Variants in TRIM40 observed in about 807,000 individuals in gnomAD.
TRIM40 encodes the protein E3 ubiquitin ligase TRIM40.
TRIM40 carries 27 observed loss-of-function variants against 26.1 expected under a neutral mutation model. That is an observed-to-expected ratio of 1.04 (90% confidence interval 0.76 to 1.43). TRIM40 has a LOEUF of 1.43. Ranked by LOEUF, TRIM40 falls within the 40% of genes most tolerant of loss-of-function variation. The probability of loss-of-function intolerance (pLI) is 0.00; values close to 1 mark genes in which losing one functional copy is unlikely to be tolerated. For missense variants in TRIM40, 289 were observed against 307.9 expected (o/e 0.94, Z 0.46); for synonymous variants, 114 against 120.0 (o/e 0.95, Z 0.33).
At chr6:30,138,662 C>A (rs1362541224) in intron 2 of TRIM40, among the ~76,000 whole-genome samples, 6 of 152,150 alleles carry the variant, frequency 3.9e-5, no homozygotes, top group Non-Finnish European at 7.4e-5. Context: ...ATTTGTATAT[C>A]TTTATTTTGC....
At position 30,147,217 on chromosome 6, in the gene TRIM40, C is replaced by A; in HGVS notation, c.666+8C>A. On this transcript the variant is annotated splice_region_variant and intron_variant, in intron 4 of 5. Transcript: ENST00000396581. ...GACACCAACACACTGAAGGTGCATACCCTGAGGCCTTCCCCAAGGGCTGGG... is the reference window on the plus strand; with the variant it reads ...GACACCAACACACTGAAGGTGCATAACCTGAGGCCTTCCCCAAGGGCTGGG... 6.2e-7 allele frequency: 1 copy of A among 1,613,982 alleles called. No individual in the cohort carries two copies. Among genetic ancestry groups the A allele is most frequent in the Non-Finnish European group, 8.5e-7 (1 of 1,179,866 alleles).
chr6:30,146,850 C>A, intron 3 of TRIM40, 135 bp from the exon 4 acceptor site: 2 of 831,016 alleles, frequency 2.4e-6, no homozygotes, highest in Non-Finnish European at 1.9e-6. Context: ...TTCTGCTATA[C>A]CTGTGACACA....
rs2127426468 is a variant in TRIM40 at position 30,145,758 on chromosome 6, C to T, written c.346-236C>T. ...GTTCTGTTGCTATCTATTATTTTTT[C>T]TGTACTTCTAAGACTGTAAAAAAAT... On this transcript the variant is annotated intron_variant, in intron 2 of 5. Coordinates refer to ENST00000396581, the MANE Select transcript of TRIM40 (RefSeq NM_001286633.2). Among the ~76,000 whole-genome samples, 3 of 152,344 alleles carry T rather than the reference C, an allele frequency of 2.0e-5. No homozygotes were observed. In the South Asian group the frequency reaches 6.2e-4, roughly 32 times the overall value.
chr6:30,139,339 CTTTTTTTTTT>C (rs9278591), intron 2 of TRIM40, among the ~76,000 whole-genome samples: 1 of 77,872 alleles, frequency 1.3e-5, no homozygotes, highest in Non-Finnish European at 2.8e-5. Flanking sequence ...ACTTTTTTTT[CTTTTTTTTTT>C]TTTTTTTTTT....
intron 2 of TRIM40, among the ~76,000 whole-genome samples, chr6:30,139,229 T>C (rs529159381): frequency 6.6e-6 from 1 of 152,296 alleles, no homozygotes; most frequent in African/African-American, 2.4e-5. Flanking sequence ...TGTGAGAAAC[T>C]GCAGCATGTG....
chr6:30,147,382 A>G, intron 4 of TRIM40, 138 bp from the exon 5 acceptor site: 2 of 1,411,326 alleles, frequency 1.4e-6, no homozygotes, highest in Non-Finnish European at 2.0e-6. Flanking sequence ...GAATGGGCAC[A>G]GAAGAGGGGT....
At chr6:30,139,580 A>G (rs1771219676) in intron 2 of TRIM40, among the ~76,000 whole-genome samples, 3 of 151,922 alleles carry the variant, frequency 2.0e-5, no homozygotes. Context: ...TGACCTCATG[A>G]TCCATCTGCG....
chr6:30,147,785 G>A lies in TRIM40; in HGVS notation c.750G>A (p.Leu250=), dbSNP rs773441391. ...YPQLEKGVSE[L]LLQPPQKL ...AGTTGGAGAAAGGAGTCAGTGAATT[G>A]CTTCTTCAGCCCCCTCAGAAGCTCT... is the stretch of plus-strand genomic sequence containing the variant. Residue 250 remains leucine (L), a synonymous_variant, in exon 6 of 6, where the codon TTG becomes TTA. Coordinates refer to ENST00000396581, the MANE Select transcript of TRIM40 (RefSeq NM_001286633.2). The A allele has an allele frequency of 6.2e-7, 1 of 1,614,202 alleles. No individual in the cohort carries two copies. Among genetic ancestry groups the A allele is most frequent in the East Asian group, 2.2e-5 (1 of 44,892 alleles).
intron 5 of TRIM40, 68 bp downstream of exon 5, chr6:30,147,610 G>A (rs1771748427): frequency 1.2e-6 from 2 of 1,613,524 alleles, no homozygotes; most frequent in African/African-American, 1.3e-5. Flanking sequence ...ATGCACAGAG[G>A]TCAAGGAGAC....
intron 2 of TRIM40, among the ~76,000 whole-genome samples, chr6:30,142,443 A>C (rs188217604): frequency 2.6e-5 from 4 of 152,352 alleles, no homozygotes; most frequent in African/African-American, 9.6e-5. Context: ...CAGGGCATAA[A>C]TTCTACATGA....
In TRIM40 at chr6:30,137,270, G is replaced by T; in HGVS notation, c.234G>T (p.Val78=). The change falls in exon 2 of 6, where the codon GTG becomes GTT. Residue 78 remains valine (V), a synonymous_variant. Coordinates refer to ENST00000396581, the MANE Select transcript of TRIM40 (RefSeq NM_001286633.2). ...TCTGCCCCAACCACCAGAAGAGGGT[G>T]TGCAGGTTCTGTGAGGAGAGCAGAC... ...GYICPNHQKR[V]CRFCEESRLL... 1 of 1,613,094 alleles carries T rather than the reference G, an allele frequency of 6.2e-7. No individual in the cohort carries two copies. The highest frequency in any genetic ancestry group is 8.5e-7 in the Non-Finnish European group (1 of 1,180,038).
intron 2 of TRIM40, 98 bp downstream of exon 2, chr6:30,137,479 A>C: frequency 3.0e-6 from 3 of 998,658 alleles, no homozygotes; most frequent in Non-Finnish European, 4.5e-6. Context: ...TAGCTCAACA[A>C]TGGACATCTC....
At position 30,137,175 on chromosome 6, in the gene TRIM40, G is replaced by A. The variant is rs1771057813; in HGVS notation, c.139G>A (p.Ala47Thr). The change falls in exon 2 of 6, where the codon GCC becomes ACC. Residue 47 changes from alanine (A) to threonine (T), a missense_variant. By Grantham distance (58) the Ala-to-Thr change is moderately conservative. Coordinates refer to ENST00000396581, the MANE Select transcript of TRIM40 (RefSeq NM_001286633.2). ...CLTQHVEKAS[A>T]SGVFCCPLCR... The stretch of plus-strand genomic sequence containing the variant: ...GACACAGCATGTGGAGAAGGCCTCA[G>A]CCTCTGGGGTCTTCTGCTGCCCCCT... The A allele has an allele frequency of 6.2e-7, 1 of 1,613,074 alleles. No homozygotes were observed. Among genetic ancestry groups the A allele is most frequent in the East Asian group, 2.2e-5 (1 of 44,884 alleles).
chr6:30,140,734 G>T (rs995962498), intron 2 of TRIM40, among the ~76,000 whole-genome samples: 14 of 152,136 alleles, frequency 9.2e-5, no homozygotes, highest in Admixed American at 8.5e-4. Flanking sequence ...TAAAAAGTGG[G>T]TTGAAGGAAG....
intron 2 of TRIM40, among the ~76,000 whole-genome samples, chr6:30,143,101 G>C (rs531881327): frequency 6.6e-6 from 1 of 151,896 alleles, no homozygotes; most frequent in South Asian, 2.1e-4. Flanking sequence ...TGACTTTTGG[G>C]GGTTTAGTTA....
rs985726307 is a variant in TRIM40, at chr6:30,148,723, G to C, written c.*911G>C. Reference sequence around the variant, plus strand: ...AAACAGTGTGACAATAAATGTGTGTGTGTTTTTTTGTTTTCTGTTTTCGTT... The same window carrying C: ...AAACAGTGTGACAATAAATGTGTGTCTGTTTTTTTGTTTTCTGTTTTCGTT... On this transcript the variant is annotated 3_prime_UTR_variant, in exon 6 of 6. Coordinates refer to ENST00000396581, the MANE Select transcript of TRIM40 (RefSeq NM_001286633.2). 1 of 152,284 alleles carries C rather than the reference G, an allele frequency of 6.6e-6. No homozygotes were observed. The highest frequency in any genetic ancestry group is 1.9e-4 in the East Asian group (1 of 5,196). 9.4% of individuals were successfully genotyped at this position (152,284 alleles called of 1,614,324 possible).
rs1385449490 is a variant in TRIM40, at chr6:30,147,728, T to C, written c.693T>C (p.Ser231=). 4 of 1,613,926 alleles carry C rather than the reference T, an allele frequency of 2.5e-6. No homozygotes were observed. The highest frequency in any genetic ancestry group is 2.5e-6 in the Non-Finnish European group (3 of 1,179,860). The change falls in exon 6 of 6, where the codon AGT becomes AGC. Residue 231 remains serine, a synonymous_variant. Transcript: ENST00000396581. ...TGAAAGATTTCTTTGTTTCTAGGAG[T>C]GCTCCACAGAAATTAGAGGTTATTT... ...LKNAGDLLNR[S]APQKLEVIYP...
At chr6:30,144,165 C>T (rs2127425131) in intron 2 of TRIM40, among the ~76,000 whole-genome samples, 1 of 152,178 alleles carries the variant, frequency 6.6e-6, no homozygotes, top group African/African-American at 2.4e-5. Flanking sequence ...CCTGGGGCAC[C>T]TTGGATGCTG....
intron 1 of TRIM40, 183 bp from the exon 2 acceptor site, chr6:30,136,550 C>T (rs1299472712): frequency 1.2e-5 from 2 of 163,234 alleles, no homozygotes; most frequent in African/African-American, 4.8e-5. Context: ...ACAGTCCAAA[C>T]TCCTGCCAAA....
Sources: allele counts gnomAD v4.1 joint callset (sites outside exome capture counted in the v4.1 genomes callset), GRCh38; gene constraint gnomAD v4.1.1; transcripts MANE v1.5; gene names NCBI Gene and HGNC (gene_info 2026-07-23, HGNC 2026-07-21).